Variants in NVL observed in about 807,000 individuals in gnomAD.
NVL encodes nuclear valosin-containing protein-like.
In NVL, 84 loss-of-function variants were observed where a neutral mutation model predicts 110.2. The observed-to-expected ratio is 0.76, with a 90% CI of 0.64 to 0.91. The LOEUF (loss-of-function observed/expected upper bound fraction) is 0.91, where lower values mean the gene tolerates loss of function less well. NVL is among the 40% of genes least tolerant of loss of function. The pLI, the probability that NVL is intolerant of heterozygous loss-of-function variation, is 0.00. For synonymous variants in NVL, 354 were observed against 361.1 expected, an observed-to-expected ratio of 0.98 and a Z score of 0.22; for missense variants, 882 against 1,035.9, an observed-to-expected ratio of 0.85 and a Z score of 2.04.
chr1:224,232,664 AT>A lies in NVL; in HGVS notation c.2455+536del, dbSNP rs1389736819. On this transcript the variant is annotated intron_variant, in intron 21 of 22. Transcript: ENST00000281701. ...TGTGAGTCACCACACCCAGCAGACAATTTTTTTCCCCCATATGCACTCAAAT... is the reference window on the plus strand; with the variant it reads ...TGTGAGTCACCACACCCAGCAGACAATTTTTTCCCCCATATGCACTCAAAT... Among the ~76,000 whole-genome samples the A allele has an allele frequency of 4.6e-5, 7 of 152,194 alleles. 1 individual carries two copies. Among genetic ancestry groups the A allele is most frequent in the Admixed American group, 6.5e-5 (1 of 15,272 alleles).
chr1:224,275,731 TTC>T (rs1446495845), intron 16 of NVL, among the ~76,000 whole-genome samples: 5 of 152,220 alleles, frequency 3.3e-5, no homozygotes, highest in Admixed American at 3.3e-4. Context: ...ACGTAAGTTC[TTC>T]TCTAGCTCAA....
chr1:224,310,808 G>A (rs908492537), intron 5 of NVL, among the ~76,000 whole-genome samples: 5 of 151,670 alleles, frequency 3.3e-5, no homozygotes, highest in East Asian at 3.9e-4. Context: ...ATAGCTCACC[G>A]CAGCCTCAAA....
intron 9 of NVL, chr1:224,301,696 A>C: frequency 2.9e-6 from 1 of 349,296 alleles, no homozygotes; most frequent in Non-Finnish European, 5.7e-6. Flanking sequence ...GTTACCTGTG[A>C]GGCTGAGGCA....
At chr1:224,249,518 G>T (rs1662228961) in intron 19 of NVL, among the ~76,000 whole-genome samples, 2 of 152,122 alleles carry the variant, frequency 1.3e-5, no homozygotes, top group Admixed American at 1.3e-4. Flanking sequence ...GCCGAGGCGG[G>T]TGGATCACGA....
At chr1:224,255,156 A>G (rs966848959) in intron 18 of NVL, among the ~76,000 whole-genome samples, 4 of 148,550 alleles carry the variant, frequency 2.7e-5, no homozygotes, top group African/African-American at 5.0e-5. Context: ...GGCATGAGCC[A>G]ATGTGCCTGG....
At chr1:224,252,678 T>C (rs969426093) in intron 18 of NVL, among the ~76,000 whole-genome samples, 2 of 152,226 alleles carry the variant, frequency 1.3e-5, no homozygotes, top group Non-Finnish European at 2.9e-5. Context: ...GATTCCATAC[T>C]TGGAAATAGG....
rs141925881 is a variant in NVL at position 224,311,831 on chromosome 1, T to C, written c.311A>G (p.Asp104Gly). The change falls in exon 5 of 23, where the codon GAT becomes GGT. Residue 104 changes from aspartate (D) to glycine (G), a missense_variant. Physicochemically the swap from Asp to Gly is moderately conservative, Grantham distance 94 (BLOSUM62 -1). Transcript: ENST00000281701. The part of the protein sequence containing the change: ...NEYTESYSDD[D>G]SSMEDYPDPQ... ...ATCTGGGTAGTCTTCCATACTTGAA[T>C]CATCATCAGAATAGCTTTCAGTATA... is the stretch of plus-strand genomic sequence containing the variant. 25 of 1,613,496 alleles carry C rather than the reference T, an allele frequency of 1.5e-5. No individual in the cohort carries two copies. The highest frequency in any genetic ancestry group is 2.1e-5 in the Non-Finnish European group (25 of 1,179,566).
intron 22 of NVL, 52 bp downstream of exon 22, chr1:224,231,174 C>T (rs1316170165): frequency 1.7e-6 from 2 of 1,185,246 alleles, no homozygotes; most frequent in East Asian, 4.7e-5. Context: ...GTCATATCTA[C>T]TGGTCTAAAA....
At chr1:224,289,197 C>T (rs183389749) in intron 13 of NVL, 61 of 354,886 alleles carry the variant, frequency 1.7e-4, no homozygotes, top group African/African-American at 1.2e-3. Context: ...TCCAATATAA[C>T]TTTAATTTAC....
intron 1 of NVL, among the ~76,000 whole-genome samples, chr1:224,328,413 G>A (rs540253593): frequency 2.2e-4 from 34 of 151,936 alleles, no homozygotes; most frequent in Middle Eastern, 3.4e-3. Context: ...CCACGTACTC[G>A]GGAGGCTGAG....
intron 9 of NVL, among the ~76,000 whole-genome samples, chr1:224,301,175 T>C (rs1668369433): frequency 6.6e-6 from 1 of 152,200 alleles, no homozygotes; most frequent in East Asian, 1.9e-4. Flanking sequence ...GTTTTTATTT[T>C]ATACATGTCA....
At position 224,263,831 on chromosome 1, in the gene NVL, C is replaced by A. The variant is rs941401248; in HGVS notation, c.2182+4203G>T. 3.7e-4 allele frequency among the ~76,000 whole-genome samples: 56 copies of A among 152,114 alleles called. 1 individual carries two copies. The highest frequency in any genetic ancestry group is 7.4e-5 in the Non-Finnish European group (5 of 68,016). ...TAAAGTAAAAACATCAGAAAGATTACAAGGTGAAACCCCATCTCTACTAAA... is the reference window on the plus strand; with the variant it reads ...TAAAGTAAAAACATCAGAAAGATTAAAAGGTGAAACCCCATCTCTACTAAA... On this transcript the variant is annotated intron_variant, in intron 18 of 22. Coordinates refer to ENST00000281701, the MANE Select transcript of NVL (RefSeq NM_002533.4).
intron 18 of NVL, among the ~76,000 whole-genome samples, chr1:224,257,504 T>C (rs1018577534): frequency 7.0e-5 from 3 of 43,094 alleles, no homozygotes; most frequent in Admixed American, 8.2e-4. Context: ...GGACAAGTGG[T>C]TTTTTGTTTG....
intron 18 of NVL, chr1:224,256,915 T>C (rs530821984): frequency 2.3e-6 from 1 of 439,120 alleles, no homozygotes; most frequent in African/African-American, 2.1e-5. Flanking sequence ...TGACACAATA[T>C]ATTCAGATTC....
intron 18 of NVL, among the ~76,000 whole-genome samples, chr1:224,251,501 G>A (rs1247703198): frequency 7.9e-5 from 12 of 152,032 alleles, no homozygotes; most frequent in African/African-American, 2.9e-4. Flanking sequence ...TTAGCTGGGT[G>A]TGGTGGTCCA....
At chr1:224,311,980 G>C in intron 4 of NVL, 123 bp from the exon 5 acceptor site, 1 of 685,784 alleles carries the variant, frequency 1.5e-6, no homozygotes, top group South Asian at 1.9e-5. Flanking sequence ...CCAAACTCTG[G>C]AATCAGAGAA....
At chr1:224,231,498 G>C (rs1035444429) in intron 21 of NVL, among the ~76,000 whole-genome samples, 1 of 152,126 alleles carries the variant, frequency 6.6e-6, no homozygotes, top group African/African-American at 2.4e-5. Context: ...CACCCAAAGA[G>C]ATCTGCCACT....
chr1:224,240,077 T>TA (rs1417657657), intron 19 of NVL, among the ~76,000 whole-genome samples: 2 of 144,394 alleles, frequency 1.4e-5, no homozygotes, highest in Non-Finnish European at 3.0e-5. Flanking sequence ...TTTTTTTTTT[T>TA]TTTTTTGAGA....
At chr1:224,231,335 G>A (rs1441028312) in intron 21 of NVL, 39 bp from the exon 22 acceptor site, 18 of 1,501,252 alleles carry the variant, frequency 1.2e-5, no homozygotes, top group Admixed American at 3.4e-5. Context: ...TCTCAGTATC[G>A]TATGGTAACT....
Sources: gnomAD v4.1 joint callset for allele counts (sites outside exome capture counted in the v4.1 genomes callset) on GRCh38, gnomAD v4.1.1 for gene constraint, MANE v1.5 for transcripts, NCBI Gene and HGNC (gene_info 2026-07-23, HGNC 2026-07-21) for gene names.